The following TTYH2 variants were observed in gnomAD, a reference collection of about 807,000 sequenced individuals.
TTYH2 encodes protein tweety homolog 2.
In TTYH2, 49 loss-of-function variants were observed where a neutral mutation model predicts 68.3. That is an observed-to-expected ratio of 0.72 (90% CI 0.57 to 0.91). The LOEUF is 0.91. Among genes scored for constraint, TTYH2 ranks in the 40% least tolerant of loss-of-function variants. TTYH2 has a pLI of 0.00. For missense variants in TTYH2, 631 were observed against 700.4 expected, an observed-to-expected ratio of 0.90 and a Z score of 1.12; for synonymous variants, 272 against 300.8, an observed-to-expected ratio of 0.90 and a Z score of 0.99.
At chr17:74,252,092 G>C in intron 10 of TTYH2, 142 bp from the exon 11 acceptor site, 1 of 1,016,320 alleles carries the variant, frequency 9.8e-7, no homozygotes, top group South Asian at 1.5e-5. Context: ...GACCTTTAAT[G>C]GTGCTGCAAG....
intron 1 of TTYH2, among the ~76,000 whole-genome samples, chr17:74,216,662 G>A (rs1035825202): frequency 8.5e-5 from 13 of 152,352 alleles, no homozygotes; most frequent in Admixed American, 4.6e-4. Context: ...CACCAGCCTT[G>A]TGGGGAGGCT....
intron 3 of TTYH2, among the ~76,000 whole-genome samples, chr17:74,236,989 C>T (rs982053170): frequency 1.3e-5 from 2 of 151,766 alleles, no homozygotes; most frequent in Admixed American, 6.6e-5. Flanking sequence ...CTCCGCCTCC[C>T]GGGTCCAAGT....
Position 74,241,296 on chromosome 17 carries a change from T to TGTGTGTGTGTGTGTGTGCGC in TTYH2, c.636-2077_636-2076insTGTGTGTGTGTGTGTGCGCG, listed in dbSNP as rs59096145. 2.1e-5 allele frequency among the ~76,000 whole-genome samples: 3 copies of TGTGTGTGTGTGTGTGTGCGC among 146,252 alleles called. No individual in the cohort carries two copies. Among genetic ancestry groups the TGTGTGTGTGTGTGTGTGCGC allele is most frequent in the African/African-American group, 7.6e-5 (3 of 39,646 alleles). ...GTGTGTGTGTGTGTGTGTGTGTGTG[T>TGTGTGTGTGTGTGTGTGCGC]GCGTGTAAAAATAAGAATGTGATCC... On this transcript the variant is annotated intron_variant, in intron 4 of 13. Coordinates refer to ENST00000269346, the MANE Select transcript of TTYH2 (RefSeq NM_032646.6). The surrounding 1 kb of genome is among the most constrained non-coding windows in gnomAD (Gnocchi z 4.1).
At chr17:74,244,597 TA>T (rs35467655) in intron 6 of TTYH2, among the ~76,000 whole-genome samples, 11 of 148,958 alleles carry the variant, frequency 7.4e-5, no homozygotes, top group South Asian at 4.2e-4. Context: ...CAAAATGGCT[TA>T]AAAAAAAAAA....
chr17:74,254,095 G>A (rs2050668273), intron 13 of TTYH2, among the ~76,000 whole-genome samples: 1 of 152,182 alleles, frequency 6.6e-6, no homozygotes, highest in Non-Finnish European at 1.5e-5. Flanking sequence ...AGGACTTGAC[G>A]GCACTGTTTG....
chr17:74,214,459 C>CG lies in TTYH2; in HGVS notation c.129+743_129+744insG, dbSNP rs981732749. On this transcript the variant is annotated intron_variant, in intron 1 of 13. Transcript: ENST00000269346. The surrounding 1 kb of genome is among the most constrained non-coding windows in gnomAD (Gnocchi z 4.6). Reference sequence around the variant, plus strand: ...CTAGACTGGCCCATTCCTGTTCCCCCACGCCCCTCTCTCTACCTCACACCT... The same window carrying CG: ...CTAGACTGGCCCATTCCTGTTCCCCCGACGCCCCTCTCTCTACCTCACACCT... 3.2e-4 allele frequency among the ~76,000 whole-genome samples: 48 copies of CG among 152,180 alleles called. No individual in the cohort carries two copies. Among genetic ancestry groups the CG allele is most frequent in the Admixed American group, 2.7e-3 (41 of 15,282 alleles).
At chr17:74,234,402 G>A (rs894675555) in intron 3 of TTYH2, among the ~76,000 whole-genome samples, 2 of 152,208 alleles carry the variant, frequency 1.3e-5, no homozygotes, top group African/African-American at 2.4e-5. Context: ...ACCTGTCCCT[G>A]CGGGGAGTAT....
intron 13 of TTYH2, among the ~76,000 whole-genome samples, chr17:74,259,365 C>T (rs2050725046): frequency 6.6e-6 from 1 of 152,050 alleles, no homozygotes; most frequent in Admixed American, 6.6e-5. Context: ...AGGTGCATGC[C>T]ACCATGCCCA....
At chr17:74,227,367 G>A (rs73995091) in intron 2 of TTYH2, among the ~76,000 whole-genome samples, 1 of 152,196 alleles carries the variant, frequency 6.6e-6, no homozygotes, top group Non-Finnish European at 1.5e-5. Flanking sequence ...ATGGGAAAAT[G>A]CTGGCTTCAT....
At chr17:74,221,009 G>A (rs767924901) in intron 1 of TTYH2, among the ~76,000 whole-genome samples, 1 of 152,066 alleles carries the variant, frequency 6.6e-6, no homozygotes, top group African/African-American at 2.4e-5. Flanking sequence ...GCCCAGACTG[G>A]TCCTGAACTC....
chr17:74,251,328 A>G (rs1275598665), intron 10 of TTYH2, among the ~76,000 whole-genome samples: 1 of 125,376 alleles, frequency 8.0e-6, no homozygotes, highest in Non-Finnish European at 1.6e-5. Flanking sequence ...ACATGTGTGC[A>G]CATGTATGTG....
At chr17:74,240,334 G>A (rs2050486344) in intron 4 of TTYH2, among the ~76,000 whole-genome samples, 1 of 152,098 alleles carries the variant, frequency 6.6e-6, no homozygotes. Context: ...AGCTACTTGG[G>A]AGGCTGAGGC....
chr17:74,252,446 C>T, intron 11 of TTYH2, 70 bp downstream of exon 11: 1 of 1,551,182 alleles, frequency 6.4e-7, no homozygotes, highest in Middle Eastern at 1.8e-4. Context: ...ACAGGGGCCT[C>T]TGCTCTACGA....
chr17:74,243,786 C>T (rs1328464006), intron 5 of TTYH2, among the ~76,000 whole-genome samples, 191 bp from the exon 6 acceptor site: 7 of 152,332 alleles, frequency 4.6e-5, no homozygotes, highest in East Asian at 1.9e-4. Flanking sequence ...TGTGCTCTCA[C>T]GCCTGGGTCT....
chr17:74,249,326 T>C lies in TTYH2; in HGVS notation c.875-18T>C, dbSNP rs2143771272. 3.1e-6 allele frequency: 5 copies of C among 1,614,086 alleles called. No individual in the cohort carries two copies. The African/African-American group carries it at 4.0e-5, about 13-fold the overall frequency. On this transcript the variant is annotated intron_variant, in intron 7 of 13. Transcript: ENST00000269346. ...TGGTCATTTGTGAGCTGCCTAACGT[T>C]ATGCCGTTGCCCTGCAGAGGTGACT...
chr17:74,253,037 T>TCCTTCAC (rs2050651846), intron 11 of TTYH2, 44 bp from the exon 12 acceptor site: 2 of 1,605,022 alleles, frequency 1.2e-6, no homozygotes, highest in African/African-American at 2.7e-5. Flanking sequence ...CCTCGGAGCC[T>TCCTTCAC]CCTTCACCCT....
rs1422737760 is a variant in TTYH2 at position 74,215,634 on chromosome 17, C to T, written c.129+1918C>T. 27 of 1,535,498 alleles carry T rather than the reference C, an allele frequency of 1.8e-5. No individual in the cohort carries two copies. The highest frequency in any genetic ancestry group is 2.4e-5 in the Non-Finnish European group (27 of 1,146,866). On this transcript the variant is annotated intron_variant, in intron 1 of 13. Transcript: ENST00000269346. The surrounding 1 kb of genome is among the most constrained non-coding windows in gnomAD (Gnocchi z 4.3). ...CTCACCCCCTCACCACCACTCAGAT[C>T]GCTGAGTAGGAGATGAGCGTGGTGG... is the stretch of plus-strand genomic sequence containing the variant.
rs563234544 is a variant in TTYH2 at position 74,243,287 on chromosome 17, CCAGGGCTGCCGTG to C, written c.636-82_636-70del. 3.9e-4 allele frequency: 436 copies of C among 1,111,714 alleles called. 3 individuals are homozygous for C. Among genetic ancestry groups the C allele is most frequent in the Middle Eastern group, 2.4e-3 (10 of 4,180 alleles). 68.9% of individuals were successfully genotyped at this position (1,111,714 alleles called of 1,614,324 possible). A position where few individuals can be genotyped will look rare whatever the true frequency, so the allele number is the denominator to read the frequency against. On this transcript the variant is annotated intron_variant, in intron 4 of 13. Coordinates refer to ENST00000269346, the MANE Select transcript of TTYH2 (RefSeq NM_032646.6). Reference sequence around the variant, plus strand: ...TCCATAGTAGAGGGTCCAGTGTGTCCCAGGGCTGCCGTGCAGGCCTCTCACGTGGCCAGCAGGT... The same window carrying C: ...TCCATAGTAGAGGGTCCAGTGTGTCCCAGGCCTCTCACGTGGCCAGCAGGT...
intron 7 of TTYH2, 123 bp from the exon 8 acceptor site, chr17:74,249,221 C>T (rs1243345741): frequency 1.9e-6 from 3 of 1,563,322 alleles, no homozygotes; most frequent in East Asian, 2.2e-5. Flanking sequence ...TAGGCCATTT[C>T]CTAGAAAGTG....
Sources: gnomAD v4.1 joint callset for allele counts (sites outside exome capture counted in the v4.1 genomes callset) on GRCh38, gnomAD v4.1.1 for gene constraint, Gnocchi (gnomAD v3.1) non-coding constraint, MANE v1.5 for transcripts, NCBI Gene and HGNC (gene_info 2026-07-23, HGNC 2026-07-21) for gene names.